RALGPS2: variants seen among roughly 807,000 people sequenced by gnomAD.
RALGPS2 encodes ras-specific guanine nucleotide-releasing factor RalGPS2.
A neutral mutation model predicts 86.8 loss-of-function variants in RALGPS2; 43 were observed. The observed-to-expected ratio is 0.50, with a 90% CI of 0.39 to 0.64. The LOEUF is 0.64. Ranked by LOEUF, RALGPS2 falls within the 30% of genes least tolerant of loss-of-function variation. The pLI, the probability that RALGPS2 is intolerant of heterozygous loss-of-function variation, is 0.00. For synonymous variants in RALGPS2, 243 were observed against 231.3 expected, an observed-to-expected ratio of 1.05 and a Z score of -0.46; for missense variants, 536 against 694.6, an observed-to-expected ratio of 0.77 and a Z score of 2.57.
intron 1 of RALGPS2, among the ~76,000 whole-genome samples, chr1:178,727,624 G>C (rs1325268299): frequency 6.6e-6 from 1 of 152,208 alleles, no homozygotes; most frequent in African/African-American, 2.4e-5. Context: ...ATTTTTGTGT[G>C]TGTTTTTAAA....
chr1:178,872,021 A>G (rs1658786181), intron 8 of RALGPS2, among the ~76,000 whole-genome samples: 1 of 152,274 alleles, frequency 6.6e-6, no homozygotes, highest in South Asian at 2.1e-4. Flanking sequence ...AACTTAGCTT[A>G]GCACTTAAGT....
At chr1:178,882,239 G>C (rs1325839260) in intron 10 of RALGPS2, among the ~76,000 whole-genome samples, 3 of 152,050 alleles carry the variant, frequency 2.0e-5, no homozygotes, top group African/African-American at 7.3e-5. Flanking sequence ...TTCTATTTTG[G>C]TGCCATTGGG....
At chr1:178,916,024 C>T (rs1433239212) in intron 19 of RALGPS2, among the ~76,000 whole-genome samples, 1 of 152,142 alleles carries the variant, frequency 6.6e-6, no homozygotes, top group African/African-American at 2.4e-5. Context: ...TACTCTTGCT[C>T]TCATTTATTC....
intron 14 of RALGPS2, 52 bp from the exon 15 acceptor site, chr1:178,892,170 ATAATGACT>A: frequency 1.4e-6 from 2 of 1,428,130 alleles, no homozygotes; most frequent in Admixed American, 3.4e-5. Context: ...CTAGGTATTG[ATAATGACT>A]GTGTGAATAA....
At chr1:178,905,722 A>G (rs376169260) in intron 18 of RALGPS2, among the ~76,000 whole-genome samples, 1 of 152,246 alleles carries the variant, frequency 6.6e-6, no homozygotes, top group Non-Finnish European at 1.5e-5. Context: ...AGCAGCCTAT[A>G]GTACATGGAT....
chr1:178,801,872 G>A (rs1329811353), intron 4 of RALGPS2, among the ~76,000 whole-genome samples: 1 of 152,114 alleles, frequency 6.6e-6, no homozygotes, highest in African/African-American at 2.4e-5. Flanking sequence ...AAGCAGCTGG[G>A]TTAAAATTCC....
intron 8 of RALGPS2, among the ~76,000 whole-genome samples, chr1:178,848,490 A>G (rs1656977007): frequency 6.6e-6 from 1 of 152,108 alleles, no homozygotes; most frequent in Admixed American, 6.5e-5. Flanking sequence ...GTCTTTCACA[A>G]GACTCTCTTT....
chr1:178,853,024 T>A (rs1327934100), intron 8 of RALGPS2: 9 of 1,519,718 alleles, frequency 5.9e-6, no homozygotes, highest in Non-Finnish European at 7.9e-6. Context: ...CAGAGCAGTG[T>A]TAAACATTCG....
Position 178,828,356 on chromosome 1 carries a change from G to A in RALGPS2, c.481-5068G>A, listed in dbSNP as rs370207839. Among the ~76,000 whole-genome samples, 6 of 152,138 alleles carry A rather than the reference G, an allele frequency of 3.9e-5. No homozygotes were observed. The South Asian group carries it at 6.2e-4, about 16-fold the overall frequency. ...GCCTACAATACACCTAGGCTATATG[G>A]TACAGCCTATTGCTTCTAGACTACA... On this transcript the variant is annotated intron_variant, in intron 7 of 19. Coordinates refer to ENST00000367635, the MANE Select transcript of RALGPS2 (RefSeq NM_152663.5).
chr1:178,856,202 G>GATATATATATATATATATATATATAT (rs55797277), intron 8 of RALGPS2, among the ~76,000 whole-genome samples: 6 of 83,898 alleles, frequency 7.2e-5, no homozygotes, highest in African/African-American at 2.6e-4. Flanking sequence ...GAGAGAGAGA[G>GATATATATATATATATATATATATAT]ATATATATAT....
At chr1:178,746,835 G>A in intron 1 of RALGPS2, 1 of 1,171,026 alleles carries the variant, frequency 8.5e-7, no homozygotes. Context: ...ATTGTATCTT[G>A]CATTTTAGAG....
At chr1:178,899,651 TG>T (rs376494483) in intron 17 of RALGPS2, among the ~76,000 whole-genome samples, 5,541 of 144,050 alleles carry the variant, frequency 0.038, 180 homozygotes, top group African/African-American at 0.071. Context: ...GTTTTGGTTT[TG>T]GTTTTTTTTT....
At chr1:178,803,792 A>G (rs957966578) in intron 4 of RALGPS2, among the ~76,000 whole-genome samples, 3 of 152,176 alleles carry the variant, frequency 2.0e-5, no homozygotes, top group Admixed American at 2.0e-4. Flanking sequence ...CTCCTTATCT[A>G]CTGTGTAGAA....
intron 4 of RALGPS2, among the ~76,000 whole-genome samples, chr1:178,791,289 T>TG (rs1352973388): frequency 6.9e-6 from 1 of 145,108 alleles, no homozygotes; most frequent in Admixed American, 6.9e-5. Context: ...CCTGCCTAAT[T>TG]TTTTTTTTTT....
chr1:178,864,351 AGG>A (rs1346124781), intron 8 of RALGPS2, among the ~76,000 whole-genome samples: 1 of 152,078 alleles, frequency 6.6e-6, no homozygotes, highest in Non-Finnish European at 1.5e-5. Context: ...GGAAAATAGG[AGG>A]GATACCTTTT....
At chr1:178,864,617 A>G (rs1009395332) in intron 8 of RALGPS2, among the ~76,000 whole-genome samples, 7 of 152,176 alleles carry the variant, frequency 4.6e-5, no homozygotes, top group Admixed American at 3.3e-4. Flanking sequence ...CGACCTAGCT[A>G]GAAGCTGATA....
At chr1:178,734,941 G>A (rs940772136) in intron 1 of RALGPS2, among the ~76,000 whole-genome samples, 1 of 152,018 alleles carries the variant, frequency 6.6e-6, no homozygotes, top group African/African-American at 2.4e-5. Flanking sequence ...CTGGTTGTTT[G>A]ATCTTTTTTA....
intron 8 of RALGPS2, among the ~76,000 whole-genome samples, chr1:178,860,793 T>C (rs1299925263): frequency 1.3e-5 from 2 of 152,168 alleles, no homozygotes; most frequent in Non-Finnish European, 2.9e-5. Flanking sequence ...TGTACCTCCA[T>C]GTAAAGTACA....
intron 1 of RALGPS2, among the ~76,000 whole-genome samples, chr1:178,740,152 A>G (rs1311148400): frequency 1.3e-5 from 2 of 152,180 alleles, no homozygotes; most frequent in African/African-American, 4.8e-5. Flanking sequence ...ATTTATAACT[A>G]CTTAACTACT....
Sources: allele counts gnomAD v4.1 joint callset (sites outside exome capture counted in the v4.1 genomes callset), GRCh38; gene constraint gnomAD v4.1.1; transcripts MANE v1.5; gene names NCBI Gene and HGNC (gene_info 2026-07-23, HGNC 2026-07-21).